The following HMBOX1 variants were observed in gnomAD, a reference collection of about 807,000 sequenced individuals.
HMBOX1 encodes homeobox-containing protein 1.
Under a neutral mutation model 54.5 loss-of-function variants are expected in HMBOX1, and 14 were observed. That is an observed-to-expected ratio of 0.26 (90% CI 0.17 to 0.40). The LOEUF is 0.40. Among genes scored for constraint, HMBOX1 ranks in the 10% least tolerant of loss-of-function variants. HMBOX1 has a pLI of 1.00. For missense variants in HMBOX1, 332 were observed against 514.4 expected (o/e 0.65, Z 3.43); for synonymous variants, 160 against 181.0 (o/e 0.88, Z 0.93).
At chr8:28,943,708 C>G (rs918513720) in intron 1 of HMBOX1, among the ~76,000 whole-genome samples, 1 of 152,154 alleles carries the variant, frequency 6.6e-6, no homozygotes, top group Non-Finnish European at 1.5e-5. Context: ...AATTATGTCT[C>G]TTTCACAGTA....
chr8:29,030,182 T>C (rs1802715329), intron 6 of HMBOX1, among the ~76,000 whole-genome samples: 2 of 151,328 alleles, frequency 1.3e-5, no homozygotes, highest in Non-Finnish European at 3.0e-5. Flanking sequence ...GGTTCCAGTT[T>C]TTTTTTTTTT....
chr8:28,937,671 A>G (rs1022230214), intron 1 of HMBOX1, among the ~76,000 whole-genome samples: 57 of 152,200 alleles, frequency 3.7e-4, no homozygotes, highest in African/African-American at 1.4e-3. Context: ...CTATTATTTT[A>G]TCATTTAGAG....
Position 29,049,556 on chromosome 8 carries a change from A to G in HMBOX1, c.1125+508A>G, listed in dbSNP as rs1410577424. 12 of 1,067,582 alleles carry G rather than the reference A, an allele frequency of 1.1e-5. No individual in the cohort carries two copies. The East Asian group carries it at 2.9e-4, about 26-fold the overall frequency. 66.1% of individuals were successfully genotyped at this position (1,067,582 alleles called of 1,614,324 possible). On this transcript the variant is annotated intron_variant, in intron 9 of 9. Transcript: ENST00000287701. ...TCCTGCCCAAAGGAGTGGTTCTTCC[A>G]GAGTCTCTGGCACACTGACACATGC... is the stretch of plus-strand genomic sequence containing the variant.
chr8:29,011,328 G>T (rs1049236552), intron 5 of HMBOX1, among the ~76,000 whole-genome samples: 11 of 152,196 alleles, frequency 7.2e-5, no homozygotes, highest in African/African-American at 2.7e-4. Context: ...TATGCCAAGT[G>T]TGATGGTTTT....
intron 1 of HMBOX1, among the ~76,000 whole-genome samples, chr8:28,914,598 A>G (rs1037236038): frequency 1.3e-5 from 2 of 152,204 alleles, no homozygotes; most frequent in African/African-American, 2.4e-5. Context: ...CATTCTTTGA[A>G]CCACAGCACT....
chr8:28,934,654 G>A (rs1376672773), intron 1 of HMBOX1, among the ~76,000 whole-genome samples: 2 of 152,138 alleles, frequency 1.3e-5, no homozygotes, highest in African/African-American at 2.4e-5. Context: ...GGCCGGGCGC[G>A]GTGGCTCACG....
intron 1 of HMBOX1, among the ~76,000 whole-genome samples, chr8:28,947,574 G>A (rs563733852): frequency 1.3e-5 from 2 of 152,138 alleles, no homozygotes; most frequent in Admixed American, 1.3e-4. Flanking sequence ...TGGATGCTGG[G>A]ACTGTCTAAA....
chr8:29,050,737 A>G (rs978641884), intron 9 of HMBOX1: 1 of 405,740 alleles, frequency 2.5e-6, no homozygotes, highest in African/African-American at 2.0e-5. Context: ...AGGTTTGATC[A>G]TCATCACCAG....
chr8:28,941,435 A>C (rs1158117164), intron 1 of HMBOX1, among the ~76,000 whole-genome samples: 3 of 152,170 alleles, frequency 2.0e-5, no homozygotes, highest in Non-Finnish European at 4.4e-5. Flanking sequence ...TCTGTTTCCA[A>C]ATCTTACCTT....
chr8:29,028,911 C>A (rs1283805955), intron 6 of HMBOX1, among the ~76,000 whole-genome samples: 2 of 152,084 alleles, frequency 1.3e-5, no homozygotes, highest in Non-Finnish European at 2.9e-5. Flanking sequence ...CTTTTATTAC[C>A]TTTATTAACC....
intron 6 of HMBOX1, among the ~76,000 whole-genome samples, chr8:29,027,465 A>G (rs1802239065): frequency 6.6e-6 from 1 of 152,206 alleles, no homozygotes; most frequent in Non-Finnish European, 1.5e-5. Context: ...TTTGGGCTAC[A>G]TATTCCTTTA....
At chr8:28,953,927 C>T (rs1196965072) in intron 1 of HMBOX1, among the ~76,000 whole-genome samples, 1 of 152,180 alleles carries the variant, frequency 6.6e-6, no homozygotes. Context: ...CAGGCCTATG[C>T]ATATTTTGTA....
chr8:28,987,133 A>G lies in HMBOX1; in HGVS notation c.586+6977A>G, dbSNP rs568095258. On this transcript the variant is annotated intron_variant, in intron 4 of 9. Transcript: ENST00000287701. ...TGGCATCTCTCTTTCACCTGTATATAAAGTAGAAACTGTATTTTAAAAAAT... is the reference window on the plus strand; with the variant it reads ...TGGCATCTCTCTTTCACCTGTATATGAAGTAGAAACTGTATTTTAAAAAAT... Among the ~76,000 whole-genome samples the G allele has an allele frequency of 1.2e-4, 18 of 152,284 alleles. No homozygotes were observed. The South Asian group carries it at 2.3e-3, about 19-fold the overall frequency.
intron 3 of HMBOX1, among the ~76,000 whole-genome samples, chr8:28,975,966 G>A (rs1221159605): frequency 1.3e-5 from 2 of 151,996 alleles, no homozygotes; most frequent in Non-Finnish European, 1.5e-5. Flanking sequence ...AGAGAATGAG[G>A]GTCGGGGGTG....
intron 1 of HMBOX1, among the ~76,000 whole-genome samples, chr8:28,926,304 T>TATATATATATATACACACAC (rs796953426): frequency 7.0e-6 from 1 of 142,138 alleles, no homozygotes; most frequent in African/African-American, 2.6e-5. Context: ...TATATATATA[T>TATATATATATATACACACAC]ACACACACAC....
chr8:28,914,985 A>G (rs574299697), intron 1 of HMBOX1, among the ~76,000 whole-genome samples: 8 of 152,344 alleles, frequency 5.3e-5, no homozygotes, highest in African/African-American at 1.4e-4. Context: ...AACAAATTCT[A>G]TGGAAACCAA....
chr8:28,902,206 A>C (rs1401752178), intron 1 of HMBOX1, among the ~76,000 whole-genome samples: 1 of 152,160 alleles, frequency 6.6e-6, no homozygotes, highest in Non-Finnish European at 1.5e-5. Flanking sequence ...TCCTCAGAAG[A>C]TAGTGAACCT....
At chr8:28,979,409 A>G (rs1828980833) in intron 3 of HMBOX1, among the ~76,000 whole-genome samples, 1 of 152,260 alleles carries the variant, frequency 6.6e-6, no homozygotes, top group Non-Finnish European at 1.5e-5. Context: ...AACACAGAAT[A>G]TTATGTAGTT....
chr8:28,894,417 C>T (rs770934490), intron 1 of HMBOX1, among the ~76,000 whole-genome samples: 1 of 152,120 alleles, frequency 6.6e-6, no homozygotes, highest in Admixed American at 6.6e-5. Context: ...CAAAGAGTAA[C>T]CAGCACATGT....
Sources: allele counts gnomAD v4.1 joint callset (sites outside exome capture counted in the v4.1 genomes callset), GRCh38; gene constraint gnomAD v4.1.1; transcripts MANE v1.5; gene names NCBI Gene and HGNC (gene_info 2026-07-23, HGNC 2026-07-21).